CRYZ: variants seen among roughly 807,000 people sequenced by gnomAD.
The protein encoded by CRYZ is zeta-crystallin.
In CRYZ, 35 loss-of-function variants were observed where a neutral mutation model predicts 34.1. The ratio of observed to expected loss-of-function variants is 1.03; its 90% CI spans 0.78 to 1.36. CRYZ has a LOEUF of 1.36. Ranked by LOEUF, CRYZ falls within the 40% of genes most tolerant of loss-of-function variation. The pLI, the probability that CRYZ is intolerant of heterozygous loss-of-function variation, is 0.00. For synonymous variants in CRYZ, 137 were observed against 136.5 expected, an observed-to-expected ratio of 1.00 and a Z score of -0.03; for missense variants, 403 against 391.8, an observed-to-expected ratio of 1.03 and a Z score of -0.24.
At chr1:74,720,957 A>T (rs61790701) in intron 3 of CRYZ, among the ~76,000 whole-genome samples, 3,687 of 152,268 alleles carry the variant, frequency 0.024, 68 homozygotes, top group Non-Finnish European at 0.038. Context: ...AAAAAGAAAG[A>T]AATTACTTCT....
rs202163969 is a variant in CRYZ at position 74,710,251 on chromosome 1, A to G, written c.481-4T>C. ...TTTGGCATGCTGCTAATCCAACCTGAAAAACAAATATAACCCAAGAGTTAT... is the reference window on the plus strand; with the variant it reads ...TTTGGCATGCTGCTAATCCAACCTGGAAAACAAATATAACCCAAGAGTTAT... On this transcript the variant is annotated splice_polypyrimidine_tract_variant and splice_region_variant and intron_variant, in intron 5 of 8. Coordinates refer to ENST00000340866, the MANE Select transcript of CRYZ (RefSeq NM_001889.4). The G allele has an allele frequency of 2.5e-4, 409 of 1,613,266 alleles. 3 individuals carry two copies. The African/African-American group carries it at 5.0e-3, about 20-fold the overall frequency.
chr1:74,719,978 T>A (rs1647135655), intron 3 of CRYZ, among the ~76,000 whole-genome samples: 1 of 151,990 alleles, frequency 6.6e-6, no homozygotes, highest in Non-Finnish European at 1.5e-5. Flanking sequence ...ATTAAGTGTC[T>A]CTGGAGTGTT....
intron 6 of CRYZ, among the ~76,000 whole-genome samples, chr1:74,709,841 T>C (rs1293624298): frequency 6.6e-6 from 1 of 152,204 alleles, no homozygotes; most frequent in Non-Finnish European, 1.5e-5. Flanking sequence ...CATTAAAAAA[T>C]CAATTTTTAT....
intron 4 of CRYZ, among the ~76,000 whole-genome samples, chr1:74,714,849 T>C (rs574378715): frequency 6.6e-5 from 10 of 152,300 alleles, no homozygotes; most frequent in African/African-American, 2.2e-4. Context: ...TGGGAGTCTT[T>C]ATGTTCCAGG....
At chr1:74,724,536 C>T (rs898508300) in intron 2 of CRYZ, among the ~76,000 whole-genome samples, 175 bp downstream of exon 2, 4 of 152,162 alleles carry the variant, frequency 2.6e-5, no homozygotes, top group African/African-American at 9.7e-5. Context: ...ACATCTACTT[C>T]ACTAATTATC....
At chr1:74,726,226 C>A (rs1647332019) in intron 1 of CRYZ, among the ~76,000 whole-genome samples, 1 of 152,218 alleles carries the variant, frequency 6.6e-6, no homozygotes, top group Non-Finnish European at 1.5e-5. Context: ...ACTGCCCTAG[C>A]AGAGGTAGGT....
chr1:74,718,695 C>T (rs1166610841), intron 4 of CRYZ, among the ~76,000 whole-genome samples: 1 of 151,998 alleles, frequency 6.6e-6, no homozygotes, highest in African/African-American at 2.4e-5. Flanking sequence ...TTTTCAAATA[C>T]TTAGTAGATG....
At chr1:74,720,386 C>A (rs1451353796) in intron 3 of CRYZ, among the ~76,000 whole-genome samples, 1 of 152,122 alleles carries the variant, frequency 6.6e-6, no homozygotes, top group East Asian at 1.9e-4. Flanking sequence ...TCTGCTGGAC[C>A]TCACTATTAA....
In CRYZ at chr1:74,718,707, G is replaced by A. The variant is rs1647110795; in HGVS notation, c.428+502C>T. ...TGCTTTTCAAATACTTAGTAGATGG[G>A]ATTAAACTATAGACTCTCAGGCACC... is the stretch of plus-strand genomic sequence containing the variant. On this transcript the variant is annotated intron_variant, in intron 4 of 8. Transcript: ENST00000340866. 2.6e-5 allele frequency among the ~76,000 whole-genome samples: 4 copies of A among 152,024 alleles called. No homozygotes were observed. In the South Asian group the frequency reaches 8.3e-4, roughly 31 times the overall value.
chr1:74,730,685 C>T (rs1423584341), intron 1 of CRYZ, among the ~76,000 whole-genome samples: 1 of 152,202 alleles, frequency 6.6e-6, no homozygotes, highest in African/African-American at 2.4e-5. Context: ...AGAAGCAAAG[C>T]TAGAACCCAA....
At chr1:74,709,204 T>TA in intron 6 of CRYZ, among the ~76,000 whole-genome samples, 1 of 152,260 alleles carries the variant, frequency 6.6e-6, no homozygotes, top group East Asian at 1.9e-4. Context: ...GGGAGAGACT[T>TA]AAGCAGAAGG....
chr1:74,722,402 G>A (rs566187466), intron 3 of CRYZ, among the ~76,000 whole-genome samples: 26 of 152,212 alleles, frequency 1.7e-4, no homozygotes, highest in Non-Finnish European at 7.4e-5. Context: ...GTGGAGCGAT[G>A]GGGGCAGAAG....
intron 3 of CRYZ, among the ~76,000 whole-genome samples, chr1:74,721,565 A>G (rs1647164287): frequency 6.6e-6 from 1 of 152,242 alleles, no homozygotes; most frequent in African/African-American, 2.4e-5. Context: ...CAGGGAAAAG[A>G]GAAAGTGTCT....
In CRYZ at chr1:74,719,348, T is replaced by C. The variant is rs904340409; in HGVS notation, c.289A>G (p.Ser97Gly). The change falls in exon 4 of 9, where the codon AGC (serine) becomes GGC (glycine). Residue 97 changes from serine to glycine, a missense_variant. Physicochemically the swap from Ser to Gly is moderately conservative, Grantham distance 56 (BLOSUM62 0). Coordinates refer to ENST00000340866, the MANE Select transcript of CRYZ (RefSeq NM_001889.4). ...FKKGDRVFTS[S>G]TISGGYAEYA... ...TCTGCATAACCCCCAGAGATCGTGC[T>C]GCTAGTGAAAACTCTGTCACCTTTC... 1.9e-6 allele frequency: 3 copies of C among 1,611,868 alleles called. No individual in the cohort carries two copies. The Admixed American group carries it at 5.0e-5, about 27-fold the overall frequency.
rs774237383 is a variant in CRYZ, at chr1:74,710,210, C to A, written c.518G>T (p.Gly173Val). ...ACCAGCAGTGCCCAAAATCTTTAAGCCATAAGCTCTAGCAATTTGGCATGC... is the reference window on the plus strand; with the variant it reads ...ACCAGCAGTGCCCAAAATCTTTAAGACATAAGCTCTAGCAATTTGGCATGC... ...LAACQIARAY[G>V]LKILGTAGTE... Residue 173 changes from glycine to valine, a missense_variant, in exon 6 of 9, where the codon GGC (glycine) becomes GTC (valine). By Grantham distance (109) the Gly-to-Val change is moderately radical (BLOSUM62 -3). Coordinates refer to ENST00000340866, the MANE Select transcript of CRYZ (RefSeq NM_001889.4). 11 of 1,613,674 alleles carry A rather than the reference C, an allele frequency of 6.8e-6. No individual in the cohort carries two copies. In the Admixed American group the frequency reaches 1.7e-4, roughly 24 times the overall value.
chr1:74,707,382 G>C, intron 6 of CRYZ, 178 bp from the exon 7 acceptor site: 1 of 479,274 alleles, frequency 2.1e-6, no homozygotes. Flanking sequence ...TAATTCCAAG[G>C]TACCAGCCAG....
intron 1 of CRYZ, among the ~76,000 whole-genome samples, chr1:74,725,260 T>C (rs540295854): frequency 2.6e-5 from 4 of 152,204 alleles, no homozygotes; most frequent in Non-Finnish European, 1.5e-5. Flanking sequence ...ATTTTCATAC[T>C]GCTATGAAGA....
At chr1:74,730,535 TC>T (rs1372088139) in intron 1 of CRYZ, 1 of 152,206 alleles carries the variant, frequency 6.6e-6, no homozygotes, top group Non-Finnish European at 1.5e-5. Context: ...GTCTTCCACC[TC>T]CATTGACTTA....
At chr1:74,732,281 A>C in intron 1 of CRYZ, among the ~76,000 whole-genome samples, 1 of 147,982 alleles carries the variant, frequency 6.8e-6, no homozygotes, top group African/African-American at 2.5e-5. Flanking sequence ...TACCTAGGAG[A>C]AGAAATCCCC....
Sources: allele counts gnomAD v4.1 joint callset (sites outside exome capture counted in the v4.1 genomes callset), GRCh38; gene constraint gnomAD v4.1.1; transcripts MANE v1.5; gene names NCBI Gene and HGNC (gene_info 2026-07-23, HGNC 2026-07-21).